EPHA7: variants seen among roughly 807,000 people sequenced by gnomAD.
EPHA7 encodes the protein EPH receptor A7, also known as ephrin type-A receptor 7.
Under a neutral mutation model 112.6 loss-of-function variants are expected in EPHA7, and 25 were observed. That is an observed-to-expected ratio of 0.22 (90% confidence interval 0.16 to 0.31). The LOEUF (loss-of-function observed/expected upper bound fraction) is 0.31. Among genes scored for constraint, EPHA7 ranks in the 10% least tolerant of loss-of-function variants. The pLI is 1.00. For missense variants in EPHA7, 962 were observed against 1,212.6 expected (o/e 0.79, Z 3.07); for synonymous variants, 437 against 406.5 (o/e 1.07, Z -0.90).
chr6:93,347,015 T>C (rs934128079), intron 5 of EPHA7, among the ~76,000 whole-genome samples: 8 of 152,012 alleles, frequency 5.3e-5, no homozygotes, highest in Non-Finnish European at 7.4e-5. Flanking sequence ...TTTACATAAT[T>C]CCATCATTAT....
chr6:93,252,101 A>G (rs1345405543), intron 14 of EPHA7, among the ~76,000 whole-genome samples: 1 of 145,258 alleles, frequency 6.9e-6, no homozygotes, highest in African/African-American at 2.5e-5. Context: ...AACTGTTCAG[A>G]TAGTCCAGAA....
At chr6:93,303,008 A>C (rs1280137937) in intron 5 of EPHA7, among the ~76,000 whole-genome samples, 1 of 152,140 alleles carries the variant, frequency 6.6e-6, no homozygotes, top group Non-Finnish European at 1.5e-5. Flanking sequence ...CCTGCCATAC[A>C]CATAGAGCAA....
chr6:93,287,093 C>T (rs535492472), intron 5 of EPHA7, among the ~76,000 whole-genome samples: 27 of 152,096 alleles, frequency 1.8e-4, no homozygotes, highest in African/African-American at 2.4e-4. Flanking sequence ...GCTAAATAAA[C>T]GAATAATGGT....
chr6:93,244,595 TGGAGCCAGACAGGA>T lies in EPHA7; in HGVS notation c.2882+689_2882+702del, dbSNP rs561422840. On this transcript the variant is annotated intron_variant, in intron 16 of 16. Coordinates refer to ENST00000369303, the MANE Select transcript of EPHA7 (RefSeq NM_004440.4). ...TTGTCCAGGAACCCATAATTAGTGA[TGGAGCCAGACAGGA>T]AAAGTGAGTTCTTTTAACTTCAAGT... 2.2e-3 allele frequency among the ~76,000 whole-genome samples: 342 copies of T among 152,138 alleles called. 1 individual carries two copies. The highest frequency in any genetic ancestry group is 7.9e-3 in the African/African-American group (326 of 41,524).
At chr6:93,347,387 T>A (rs1335893939) in intron 5 of EPHA7, among the ~76,000 whole-genome samples, 1 of 151,884 alleles carries the variant, frequency 6.6e-6, no homozygotes, top group Non-Finnish European at 1.5e-5. Context: ...ATTGGTCATT[T>A]TCTGCTACTT....
chr6:93,283,002 C>G (rs574210180), intron 5 of EPHA7, among the ~76,000 whole-genome samples: 144 of 152,316 alleles, frequency 9.5e-4, no homozygotes, highest in African/African-American at 3.4e-3. Context: ...GAGCAGGGCG[C>G]GGGACTGGCA....
At chr6:93,399,948 A>G (rs897054454) in intron 3 of EPHA7, among the ~76,000 whole-genome samples, 3 of 152,100 alleles carry the variant, frequency 2.0e-5, no homozygotes, top group African/African-American at 7.2e-5. Flanking sequence ...TCAAACTTGA[A>G]GAATTTGTAA....
In EPHA7 at chr6:93,410,298, T is replaced by A; in HGVS notation, c.832+203A>T. ...TAAATTTTAGTAACAAATTTCATTA[T>A]CACCTATATTGATTACATACACTTA... On this transcript the variant is annotated intron_variant, in intron 3 of 16. Transcript: ENST00000369303. This position sits in a 1 kb window ranked among gnomAD's most constrained non-coding sequence, Gnocchi z 4.0. The A allele has an allele frequency of 1.8e-6, 1 of 556,506 alleles. No individual in the cohort carries two copies. Among genetic ancestry groups the A allele is most frequent in the Non-Finnish European group, 3.2e-6 (1 of 314,966 alleles). 34.5% of individuals were successfully genotyped at this position (556,506 alleles called of 1,614,324 possible).
intron 7 of EPHA7, 83 bp from the exon 8 acceptor site, chr6:93,264,785 C>A: frequency 3.2e-6 from 2 of 624,066 alleles, no homozygotes; most frequent in Non-Finnish European, 5.1e-6. Flanking sequence ...GTTATCTTTT[C>A]TATTTAATTC....
At chr6:93,383,979 T>C (rs551761415) in intron 3 of EPHA7, among the ~76,000 whole-genome samples, 25 of 152,278 alleles carry the variant, frequency 1.6e-4, no homozygotes, top group African/African-American at 5.8e-4. Context: ...TGAGCAACCA[T>C]GCATGGCCAA....
At chr6:93,327,537 T>C (rs1328293774) in intron 5 of EPHA7, among the ~76,000 whole-genome samples, 1 of 151,562 alleles carries the variant, frequency 6.6e-6, no homozygotes, top group Non-Finnish European at 1.5e-5. Flanking sequence ...ACTGAGTTCC[T>C]AAACTTCTTC....
Position 93,405,699 on chromosome 6 carries a change from A to G in EPHA7, c.832+4802T>C, listed in dbSNP as rs185411750. Among the ~76,000 whole-genome samples, 151 of 150,764 alleles carry G rather than the reference A, an allele frequency of 1.0e-3. 1 individual carries two copies. The highest frequency in any genetic ancestry group is 3.4e-3 in the African/African-American group (139 of 41,278). ...GAGATTGTCCTACTTTATGCACCTA[A>G]TAAGTTGTGAAACCAGCATTTTGAA... On this transcript the variant is annotated intron_variant, in intron 3 of 16. Transcript: ENST00000369303.
intron 5 of EPHA7, among the ~76,000 whole-genome samples, chr6:93,300,417 C>T (rs971742617): frequency 6.6e-6 from 1 of 152,094 alleles, no homozygotes; most frequent in Non-Finnish European, 1.5e-5. Context: ...AAGAGCCATA[C>T]AGAACACACC....
chr6:93,249,129 T>C (rs1770092211), intron 14 of EPHA7, among the ~76,000 whole-genome samples: 1 of 152,152 alleles, frequency 6.6e-6, no homozygotes, highest in Non-Finnish European at 1.5e-5. Flanking sequence ...TGACAGAACT[T>C]AAAATTTTCC....
intron 5 of EPHA7, among the ~76,000 whole-genome samples, chr6:93,300,543 T>C (rs1333078645): frequency 6.6e-6 from 1 of 152,170 alleles, no homozygotes; most frequent in Non-Finnish European, 1.5e-5. Flanking sequence ...GAATTATACA[T>C]GAATACAATA....
At chr6:93,332,419 C>T (rs1443487925) in intron 5 of EPHA7, among the ~76,000 whole-genome samples, 1 of 151,482 alleles carries the variant, frequency 6.6e-6, no homozygotes, top group Non-Finnish European at 1.5e-5. Flanking sequence ...AGAACATGAG[C>T]TTTGTATACT....
intron 8 of EPHA7, among the ~76,000 whole-genome samples, chr6:93,264,129 A>T (rs912032329): frequency 2.0e-5 from 3 of 151,588 alleles, no homozygotes; most frequent in African/African-American, 7.3e-5. Flanking sequence ...ATTTTAAAAA[A>T]TACATTTAGA....
intron 5 of EPHA7, among the ~76,000 whole-genome samples, chr6:93,309,382 T>A (rs1435941374): frequency 6.6e-6 from 1 of 152,220 alleles, no homozygotes; most frequent in African/African-American, 2.4e-5. Context: ...TATTTTACCA[T>A]ATGAAATGCT....
At chr6:93,390,060 C>A (rs557972409) in intron 3 of EPHA7, among the ~76,000 whole-genome samples, 6 of 151,740 alleles carry the variant, frequency 4.0e-5, no homozygotes, top group Non-Finnish European at 7.4e-5. Context: ...ACTTTAGCAT[C>A]AGAAATAAGG....
Sources: gnomAD v4.1 joint callset for allele counts (sites outside exome capture counted in the v4.1 genomes callset) on GRCh38, gnomAD v4.1.1 for gene constraint, Gnocchi (gnomAD v3.1) non-coding constraint, MANE v1.5 for transcripts, NCBI Gene and HGNC (gene_info 2026-07-23, HGNC 2026-07-21) for gene names.